Variants in AHCYL2 observed in about 807,000 individuals in gnomAD.
AHCYL2 encodes adenosylhomocysteinase like 2.
A neutral mutation model predicts 81.4 loss-of-function variants in AHCYL2; 28 were observed. That is an observed-to-expected ratio of 0.34 (90% CI 0.25 to 0.47). The LOEUF is 0.47. Among genes scored for constraint, AHCYL2 ranks in the 20% least tolerant of loss-of-function variants. The probability of loss-of-function intolerance (pLI) is 1.00; values close to 1 mark genes in which losing one functional copy is unlikely to be tolerated. For synonymous variants in AHCYL2, 272 were observed against 290.2 expected (o/e 0.94, Z 0.64); for missense variants, 551 against 785.1 (o/e 0.70, Z 3.56).
chr7:129,314,418 G>C (rs1366693700), intron 1 of AHCYL2, among the ~76,000 whole-genome samples: 5 of 152,110 alleles, frequency 3.3e-5, no homozygotes, highest in Admixed American at 2.6e-4. Flanking sequence ...GCCCATTCAG[G>C]CTGTATACAA....
intron 1 of AHCYL2, among the ~76,000 whole-genome samples, chr7:129,241,822 A>G (rs976922687): frequency 5.9e-5 from 9 of 152,118 alleles, no homozygotes; most frequent in Non-Finnish European, 1.3e-4. Context: ...GTTCAAGACC[A>G]GCCTGGGCAA....
intron 1 of AHCYL2, chr7:129,375,690 T>A: frequency 7.0e-7 from 1 of 1,428,662 alleles, no homozygotes; most frequent in Non-Finnish European, 9.1e-7. Flanking sequence ...ATTGGGGCTG[T>A]ACTGCTGAAG....
chr7:129,269,322 A>T (rs1246113889), intron 1 of AHCYL2, among the ~76,000 whole-genome samples: 1 of 150,076 alleles, frequency 6.7e-6, no homozygotes, highest in East Asian at 2.0e-4. Flanking sequence ...GTCTTGCTCT[A>T]TTGGCCAGGT....
At chr7:129,252,587 T>G (rs1795280314) in intron 1 of AHCYL2, among the ~76,000 whole-genome samples, 1 of 152,142 alleles carries the variant, frequency 6.6e-6, no homozygotes, top group Non-Finnish European at 1.5e-5. Flanking sequence ...AGCAACATAG[T>G]GAGACCCTAC....
intron 1 of AHCYL2, among the ~76,000 whole-genome samples, chr7:129,336,238 T>C (rs1206983348): frequency 6.6e-6 from 1 of 152,064 alleles, no homozygotes; most frequent in Non-Finnish European, 1.5e-5. Context: ...TGGCTAATTT[T>C]TGTATTTTTG....
At chr7:129,275,254 G>A (rs1796161338) in intron 1 of AHCYL2, among the ~76,000 whole-genome samples, 1 of 151,888 alleles carries the variant, frequency 6.6e-6, no homozygotes, top group Admixed American at 6.6e-5. Context: ...ATGGTGGTGT[G>A]CACCTGTAAT....
chr7:129,326,442 G>T (rs907539684), intron 1 of AHCYL2, among the ~76,000 whole-genome samples: 2 of 151,972 alleles, frequency 1.3e-5, no homozygotes, highest in African/African-American at 4.8e-5. Context: ...CAGAAGAATC[G>T]CTTGAACCAG....
intron 1 of AHCYL2, among the ~76,000 whole-genome samples, chr7:129,273,992 C>G (rs951055067): frequency 1.3e-5 from 2 of 152,144 alleles, no homozygotes; most frequent in African/African-American, 2.4e-5. Flanking sequence ...TAACCCATCT[C>G]TTATGTAAAA....
At chr7:129,413,783 C>T in intron 12 of AHCYL2, 95 bp downstream of exon 12, 1 of 993,522 alleles carries the variant, frequency 1.0e-6, no homozygotes, top group Non-Finnish European at 1.6e-6. Context: ...CCATCCTAAA[C>T]ATGACTATCC....
At chr7:129,253,246 C>T (rs1386731589) in intron 1 of AHCYL2, among the ~76,000 whole-genome samples, 1 of 151,948 alleles carries the variant, frequency 6.6e-6, no homozygotes, top group Non-Finnish European at 1.5e-5. Flanking sequence ...TGTTTTGGGA[C>T]TCACAGTCAG....
intron 1 of AHCYL2, among the ~76,000 whole-genome samples, chr7:129,323,113 ATC>A (rs1798098025): frequency 1.3e-5 from 2 of 152,116 alleles, no homozygotes; most frequent in South Asian, 4.1e-4. Flanking sequence ...GTGGAAAAAA[ATC>A]TTCTGTTTGC....
Position 129,368,291 on chromosome 7 carries a change from G to A in AHCYL2, c.364-11347G>A. On this transcript the variant is annotated intron_variant, in intron 1 of 16. Transcript: ENST00000325006. This position sits in a 1 kb window ranked among gnomAD's most constrained non-coding sequence, Gnocchi z 4.4. ...TCAGACACAGAAGGCTTTGAAGCCG[G>A]CCAGTAAGGGGTTGTCAGGCAGTTG... is the stretch of plus-strand genomic sequence containing the variant. 7.0e-7 allele frequency: 1 copy of A among 1,421,570 alleles called. No homozygotes were observed. The highest frequency in any genetic ancestry group is 9.2e-7 in the Non-Finnish European group (1 of 1,088,834). 88.1% of individuals were successfully genotyped at this position (1,421,570 alleles called of 1,614,324 possible).
intron 1 of AHCYL2, among the ~76,000 whole-genome samples, chr7:129,373,417 A>G (rs760791099): frequency 8.0e-5 from 6 of 74,740 alleles, no homozygotes; most frequent in Non-Finnish European, 1.6e-4. Flanking sequence ...TGTCTCTACT[A>G]AAAAAAACAA....
chr7:129,364,098 G>A (rs1329542159), intron 1 of AHCYL2, among the ~76,000 whole-genome samples: 1 of 151,822 alleles, frequency 6.6e-6, no homozygotes, highest in Non-Finnish European at 1.5e-5. Context: ...AATGTGCCAG[G>A]TGTGGTGGTG....
At chr7:129,360,063 A>G (rs1456418787) in intron 1 of AHCYL2, among the ~76,000 whole-genome samples, 2 of 150,366 alleles carry the variant, frequency 1.3e-5, no homozygotes, top group African/African-American at 4.9e-5. Flanking sequence ...CCTGTTCTAT[A>G]TTTAATTCAT....
chr7:129,386,195 G>A (rs1795194384), intron 2 of AHCYL2, among the ~76,000 whole-genome samples: 1 of 152,078 alleles, frequency 6.6e-6, no homozygotes, highest in Non-Finnish European at 1.5e-5. Flanking sequence ...GGGCATGGTG[G>A]CTCAAGCCTG....
chr7:129,345,485 A>G (rs1282656668), intron 1 of AHCYL2, among the ~76,000 whole-genome samples: 3 of 152,192 alleles, frequency 2.0e-5, no homozygotes, highest in Non-Finnish European at 4.4e-5. Context: ...CTCTTGCAAC[A>G]TGTAACTGCT....
chr7:129,414,263 A>G (rs893191769), intron 12 of AHCYL2, among the ~76,000 whole-genome samples: 1 of 152,166 alleles, frequency 6.6e-6, no homozygotes, highest in Admixed American at 6.5e-5. Flanking sequence ...GTCATAATCA[A>G]TTCAGCACCA....
Position 129,256,576 on chromosome 7 carries a change from T to G in AHCYL2, c.363+31137T>G, listed in dbSNP as rs73721601. ...CCCCCCCCCGCCTTAATCTATCTTG[T>G]AGCTGCTTTGTTGTTTTTAAAGTCT... On this transcript the variant is annotated intron_variant, in intron 1 of 16. Coordinates refer to ENST00000325006, the MANE Select transcript of AHCYL2 (RefSeq NM_015328.4). 2.9e-3 allele frequency among the ~76,000 whole-genome samples: 340 copies of G among 119,266 alleles called. 1 individual carries two copies. Among genetic ancestry groups the G allele is most frequent in the African/African-American group, 0.011 (330 of 30,378 alleles). The allele number at this position is 119,266 out of a possible 152,430, so 78.2% of individuals were successfully genotyped here. A position where few individuals can be genotyped will look rare whatever the true frequency, so the allele number is the denominator to read the frequency against.
Sources: allele counts gnomAD v4.1 joint callset (sites outside exome capture counted in the v4.1 genomes callset), GRCh38; gene constraint gnomAD v4.1.1; non-coding constraint Gnocchi (gnomAD v3.1); transcripts MANE v1.5; gene names NCBI Gene and HGNC (gene_info 2026-07-23, HGNC 2026-07-21).